The following ANKS1A variants were observed in gnomAD, a reference collection of about 807,000 sequenced individuals.
ANKS1A encodes the protein ankyrin repeat and sterile alpha motif domain containing 1A, also known as ankyrin repeat and SAM domain-containing protein 1A.
ANKS1A carries 55 observed loss-of-function variants against 120.3 expected under a neutral mutation model. The ratio of observed to expected loss-of-function variants is 0.46; its 90% CI spans 0.37 to 0.57. The LOEUF (loss-of-function observed/expected upper bound fraction) is 0.57. Among genes scored for constraint, ANKS1A ranks in the 20% least tolerant of loss-of-function variants. ANKS1A has a pLI of 0.00. For missense variants in ANKS1A, 1,123 were observed against 1,480.3 expected, an observed-to-expected ratio of 0.76 and a Z score of 3.96; for synonymous variants, 590 against 604.7, an observed-to-expected ratio of 0.98 and a Z score of 0.36.
At chr6:35,097,660 A>G in the ANKS1A span, among the ~76,000 whole-genome samples, 1 of 135,458 alleles carries the variant, frequency 7.4e-6, no homozygotes, top group Admixed American at 7.3e-5. Flanking sequence ...AAAAAAAAAC[A>G]CATACACACA....
intron 1 of ANKS1A, among the ~76,000 whole-genome samples, chr6:34,945,153 G>A (rs139452607): frequency 5.9e-5 from 9 of 152,246 alleles, no homozygotes; most frequent in African/African-American, 2.2e-4. Flanking sequence ...ACAGCTTACT[G>A]CAGCCTTGAC....
chr6:35,045,073 G>A (rs1027894613), intron 11 of ANKS1A, among the ~76,000 whole-genome samples: 2 of 152,216 alleles, frequency 1.3e-5, no homozygotes, highest in African/African-American at 2.4e-5. Context: ...TGCCTTTGGA[G>A]GAGGAACAGA....
chr6:34,938,312 G>A (rs1769358466), intron 1 of ANKS1A, among the ~76,000 whole-genome samples: 2 of 152,186 alleles, frequency 1.3e-5, no homozygotes, highest in African/African-American at 4.8e-5. Flanking sequence ...AAGAGAGCAG[G>A]AGGAGTCTCC....
At chr6:34,920,731 A>G (rs1468096867) in intron 1 of ANKS1A, among the ~76,000 whole-genome samples, 1 of 152,236 alleles carries the variant, frequency 6.6e-6, no homozygotes, top group African/African-American at 2.4e-5. Flanking sequence ...TTTTAAAAAA[A>G]GAAAAGAAAA....
At chr6:35,045,784 AC>A (rs1278410368) in intron 11 of ANKS1A, among the ~76,000 whole-genome samples, 1 of 152,212 alleles carries the variant, frequency 6.6e-6, no homozygotes, top group African/African-American at 2.4e-5. Context: ...GGACTGGATC[AC>A]CAGGAGGGCA....
intron 1 of ANKS1A, among the ~76,000 whole-genome samples, chr6:34,906,309 T>C (rs1365627311): frequency 1.3e-5 from 2 of 152,222 alleles, no homozygotes; most frequent in African/African-American, 4.8e-5. Flanking sequence ...GCCTTTTACA[T>C]GCCTGGTGCG....
intron 1 of ANKS1A, among the ~76,000 whole-genome samples, chr6:34,906,812 C>G (rs1018119623): frequency 2.6e-5 from 4 of 152,202 alleles, no homozygotes; most frequent in African/African-American, 9.6e-5. Context: ...AGTCCTCTCT[C>G]TAGGAGATGG....
chr6:35,046,772 G>A (rs185199459), intron 11 of ANKS1A, among the ~76,000 whole-genome samples: 44 of 152,236 alleles, frequency 2.9e-4, no homozygotes, highest in African/African-American at 9.1e-4. Flanking sequence ...GGGTAGGGGG[G>A]TAAAATTTAT....
At chr6:35,048,127 C>T (rs1158347341) in intron 11 of ANKS1A, among the ~76,000 whole-genome samples, 1 of 152,198 alleles carries the variant, frequency 6.6e-6, no homozygotes, top group Admixed American at 6.5e-5. Context: ...ACCAGCCTAG[C>T]CTGGTGCAAA....
At chr6:34,973,813 G>A (rs1022530243) in intron 3 of ANKS1A, among the ~76,000 whole-genome samples, 2 of 151,586 alleles carry the variant, frequency 1.3e-5, no homozygotes, top group African/African-American at 4.9e-5. Context: ...CTTTGTTTTG[G>A]CTTACTCTTT....
chr6:35,039,265 C>A (rs1775338394), intron 11 of ANKS1A, among the ~76,000 whole-genome samples: 2 of 129,128 alleles, frequency 1.5e-5, no homozygotes, highest in Middle Eastern at 6.1e-3. Flanking sequence ...GTGGCATGAT[C>A]TCGGCTCACT....
intron 13 of ANKS1A, among the ~76,000 whole-genome samples, chr6:35,073,971 C>T (rs1777208940): frequency 6.6e-6 from 1 of 152,260 alleles, no homozygotes; most frequent in Admixed American, 6.5e-5. Flanking sequence ...CCGGAATGTG[C>T]TCTGGCAATG....
intron 1 of ANKS1A, among the ~76,000 whole-genome samples, chr6:34,926,628 T>C (rs1768731524): frequency 6.6e-6 from 1 of 152,138 alleles, no homozygotes; most frequent in African/African-American, 2.4e-5. Flanking sequence ...GGTAGATTTT[T>C]ATATTGGAAC....
At chr6:34,934,828 C>T (rs774774411) in intron 1 of ANKS1A, among the ~76,000 whole-genome samples, 22 of 152,150 alleles carry the variant, frequency 1.4e-4, no homozygotes, top group Non-Finnish European at 2.8e-4. Flanking sequence ...TCACCTCCCA[C>T]CCCACCCCCA....
chr6:35,063,481 A>G (rs772828458), intron 13 of ANKS1A, among the ~76,000 whole-genome samples: 7 of 152,258 alleles, frequency 4.6e-5, no homozygotes, highest in Non-Finnish European at 1.0e-4. Context: ...CTAAGTAGAT[A>G]TTTAAAAAAC....
At chr6:34,942,121 T>A (rs1023866236) in intron 1 of ANKS1A, among the ~76,000 whole-genome samples, 4 of 152,256 alleles carry the variant, frequency 2.6e-5, no homozygotes, top group Non-Finnish European at 5.9e-5. Context: ...TTTCATTTGC[T>A]TTCATAGTTT....
chr6:35,093,965 T>TG (rs1398922701), downstream of ANKS1A, among the ~76,000 whole-genome samples: 1 of 152,154 alleles, frequency 6.6e-6, no homozygotes, highest in African/African-American at 2.4e-5. Context: ...GCCCAGTGAT[T>TG]GTGATGCTGC....
intron 1 of ANKS1A, among the ~76,000 whole-genome samples, chr6:34,965,820 C>T (rs1770866651): frequency 6.6e-6 from 1 of 151,354 alleles, no homozygotes; most frequent in Admixed American, 6.6e-5. Context: ...GATCTTGGCT[C>T]CCTGCAATCT....
Position 35,089,502 on chromosome 6 carries a change from A to C in ANKS1A, c.*893A>C. 1 of 986,614 alleles carries C rather than the reference A, an allele frequency of 1.0e-6. No individual in the cohort carries two copies. Among genetic ancestry groups the C allele is most frequent in the Non-Finnish European group, 1.2e-6 (1 of 830,540 alleles). 61.1% of individuals were successfully genotyped at this position (986,614 alleles called of 1,614,324 possible). A position where few individuals can be genotyped will look rare whatever the true frequency, so the allele number is the denominator to read the frequency against. ...ATTAATGCTTGGAGTGGGGTCAGCT[A>C]AGGTTGCTACTTGCCAATTTGTGAT... On this transcript the variant is annotated 3_prime_UTR_variant, in exon 24 of 24. Coordinates refer to ENST00000360359, the MANE Select transcript of ANKS1A (RefSeq NM_015245.3).
Sources: allele counts gnomAD v4.1 joint callset (sites outside exome capture counted in the v4.1 genomes callset), GRCh38; gene constraint gnomAD v4.1.1; transcripts MANE v1.5; gene names NCBI Gene and HGNC (gene_info 2026-07-23, HGNC 2026-07-21).